SLC29A3: variants seen among roughly 807,000 people sequenced by gnomAD.
SLC29A3 encodes solute carrier family 29 member 3.
Under a neutral mutation model 25.4 loss-of-function variants are expected in SLC29A3, and 18 were observed. The observed-to-expected ratio is 0.71, with a 90% CI of 0.49 to 1.05. The LOEUF (loss-of-function observed/expected upper bound fraction) is 1.05. Among genes scored for constraint, SLC29A3 ranks in the 50% least tolerant of loss-of-function variants. The probability of loss-of-function intolerance (pLI) is 0.00; values close to 1 mark genes in which losing one functional copy is unlikely to be tolerated. For synonymous variants in SLC29A3, 258 were observed against 267.1 expected (o/e 0.97, Z 0.33); for missense variants, 586 against 609.0 (o/e 0.96, Z 0.40).
At chr10:71,338,007 C>T (rs1408573812) in intron 2 of SLC29A3, among the ~76,000 whole-genome samples, 2 of 152,214 alleles carry the variant, frequency 1.3e-5, no homozygotes. Context: ...AACTCAAGTG[C>T]CCCCCTGCCC....
chr10:71,363,456 A>AT (rs1180649879), downstream of SLC29A3: 2 of 400,262 alleles, frequency 5.0e-6, no homozygotes, highest in Non-Finnish European at 9.9e-6. Context: ...CAATTTGAGG[A>AT]TTTTTTAAAA....
chr10:71,334,185 T>C (rs1846186469), intron 2 of SLC29A3, among the ~76,000 whole-genome samples: 1 of 152,200 alleles, frequency 6.6e-6, no homozygotes, highest in Admixed American at 6.5e-5. Context: ...CCCAGAAACT[T>C]TTCCCGCAAA....
intron 4 of SLC29A3, among the ~76,000 whole-genome samples, chr10:71,377,631 C>G (rs1023428393): frequency 3.3e-5 from 5 of 152,226 alleles, no homozygotes; most frequent in African/African-American, 1.2e-4. Flanking sequence ...CAAGAAAGCC[C>G]TAGAGAGAGG....
intron 3 of SLC29A3, among the ~76,000 whole-genome samples, chr10:71,371,073 G>A (rs956733556): frequency 6.6e-6 from 1 of 152,094 alleles, no homozygotes; most frequent in African/African-American, 2.4e-5. Context: ...GAGTCATCGC[G>A]CTTGGCCCGA....
chr10:71,338,384 A>G (rs76412582), intron 2 of SLC29A3, among the ~76,000 whole-genome samples: 5,487 of 152,282 alleles, frequency 0.036, 134 homozygotes, highest in Middle Eastern at 0.092. Context: ...GCTGAGGGGA[A>G]TGGGCGGTGG....
intron 2 of SLC29A3, among the ~76,000 whole-genome samples, chr10:71,332,781 T>A (rs1846151131): frequency 6.6e-6 from 1 of 152,218 alleles, no homozygotes; most frequent in African/African-American, 2.4e-5. Flanking sequence ...TCCCAATAAA[T>A]AATACACCTG....
intron 2 of SLC29A3, among the ~76,000 whole-genome samples, chr10:71,327,430 A>G (rs1023359287): frequency 6.6e-6 from 1 of 152,212 alleles, no homozygotes; most frequent in Non-Finnish European, 1.5e-5. Context: ...AAGATGGCAC[A>G]GGGGCCTGCA....
intron 3 of SLC29A3, among the ~76,000 whole-genome samples, chr10:71,348,951 T>TC (rs1564536596): frequency 6.6e-6 from 1 of 152,146 alleles, no homozygotes; most frequent in Non-Finnish European, 1.5e-5. Context: ...AAGAACACAG[T>TC]CCTGCTGGGG....
chr10:71,379,099 C>T (rs60820442), intron 4 of SLC29A3, among the ~76,000 whole-genome samples: 3,560 of 152,268 alleles, frequency 0.023, 146 homozygotes, highest in African/African-American at 0.081. Flanking sequence ...TGCCCCCCAA[C>T]GGGGAAACTA....
intron 2 of SLC29A3, among the ~76,000 whole-genome samples, chr10:71,326,062 C>G (rs750792313): frequency 2.6e-5 from 4 of 151,854 alleles, no homozygotes; most frequent in African/African-American, 7.3e-5. Flanking sequence ...AGACTACAGG[C>G]ACACACCACC....
In SLC29A3 at chr10:71,360,603, T is replaced by C. The variant is rs142958100; in HGVS notation, c.774-1351T>C. ...GTGCTGGGCAGAGTTAAACTGGTAGTACCTATTAGGAGAGCAGTTTATCAG... is the reference window on the plus strand; with the variant it reads ...GTGCTGGGCAGAGTTAAACTGGTAGCACCTATTAGGAGAGCAGTTTATCAG... On this transcript the variant is annotated intron_variant, in intron 5 of 5. Transcript: ENST00000373189. 2.8e-3 allele frequency among the ~76,000 whole-genome samples: 424 copies of C among 152,352 alleles called. 3 individuals are homozygous for C. Among genetic ancestry groups the C allele is most frequent in the Non-Finnish European group, 8.8e-4 (60 of 68,042 alleles).
Position 71,362,480 on chromosome 10 carries a change from C to T in SLC29A3, c.1300C>T (p.Leu434Phe). ...LSNGYLSTLA[L>F]LYGPKIVPRE... ...CAACGGCTACCTCAGCACCCTGGCC[C>T]TCCTCTACGGGCCTAAGATTGTGCC... The change falls in exon 6 of 6, where the codon CTC becomes TTC. Residue 434 changes from leucine to phenylalanine, a missense_variant. Transcript: ENST00000373189. 6.2e-7 allele frequency: 1 copy of T among 1,614,198 alleles called. No homozygotes were observed. Among genetic ancestry groups the T allele is most frequent in the Non-Finnish European group, 8.5e-7 (1 of 1,180,044 alleles).
intron 5 of SLC29A3, among the ~76,000 whole-genome samples, chr10:71,359,372 G>A (rs1243453992): frequency 6.6e-6 from 1 of 152,240 alleles, no homozygotes; most frequent in Non-Finnish European, 1.5e-5. Context: ...ATTTGGGAGA[G>A]TGAGGCGATG....
chr10:71,362,763 C>T lies in SLC29A3; in HGVS notation c.*155C>T. 1 of 907,282 alleles carries T rather than the reference C, an allele frequency of 1.1e-6. No homozygotes were observed. The highest frequency in any genetic ancestry group is 1.4e-5 in the South Asian group (1 of 71,436). 56.2% of individuals were successfully genotyped at this position (907,282 alleles called of 1,614,324 possible). ...TCATCCCTCCCAAGATGCCAGTGAG[C>T]CACGTCCATGCCCATTCCGTGCAAG... On this transcript the variant is annotated 3_prime_UTR_variant, in exon 6 of 6. Transcript: ENST00000373189.
chr10:71,361,859 G>A, intron 5 of SLC29A3, 95 bp from the exon 6 acceptor site: 1 of 1,456,806 alleles, frequency 6.9e-7, no homozygotes, highest in South Asian at 1.2e-5. Context: ...TCTCCATGCT[G>A]GGCTGGAAGG....
At chr10:71,341,077 G>C (rs936440519) in intron 2 of SLC29A3, among the ~76,000 whole-genome samples, 1 of 152,164 alleles carries the variant, frequency 6.6e-6, no homozygotes, top group Non-Finnish European at 1.5e-5. Context: ...CGATCTGTGG[G>C]CTCCTTCCAG....
intron 4 of SLC29A3, chr10:71,379,678 G>A (rs1278193366): frequency 6.6e-6 from 1 of 152,196 alleles, no homozygotes; most frequent in Admixed American, 6.5e-5. Flanking sequence ...CTATTTTATG[G>A]AATGAAGTGT....
chr10:71,363,176 T>C lies in SLC29A3; in HGVS notation c.*568T>C, dbSNP rs1478697674. ...AACCAGACTGGAAAACCCAGAAAGA[T>C]GGGCCTTCCATGAATGCTTCATTCC... On this transcript the variant is annotated 3_prime_UTR_variant, in exon 6 of 6. Coordinates refer to ENST00000373189, the MANE Select transcript of SLC29A3 (RefSeq NM_018344.6). The C allele has an allele frequency of 2.2e-6, 1 of 446,376 alleles. No homozygotes were observed. Among genetic ancestry groups the C allele is most frequent in the Non-Finnish European group, 4.5e-6 (1 of 223,078 alleles). 27.7% of individuals were successfully genotyped at this position (446,376 alleles called of 1,614,324 possible).
chr10:71,333,517 G>A lies in SLC29A3; in HGVS notation c.300+10463G>A, dbSNP rs182154503. Among the ~76,000 whole-genome samples the A allele has an allele frequency of 2.3e-4, 35 of 152,302 alleles. No homozygotes were observed. In the East Asian group the frequency reaches 4.4e-3, roughly 19 times the overall value. On this transcript the variant is annotated intron_variant, in intron 2 of 5. Transcript: ENST00000373189. Reference sequence around the variant, plus strand: ...TGGCTAAGGACTCCCTCTTCCTGATGGTCCCTAAGGTTTTCTACTACAGAG... The same window carrying A: ...TGGCTAAGGACTCCCTCTTCCTGATAGTCCCTAAGGTTTTCTACTACAGAG...
Sources: gnomAD v4.1 joint callset for allele counts (sites outside exome capture counted in the v4.1 genomes callset) on GRCh38, gnomAD v4.1.1 for gene constraint, MANE v1.5 for transcripts, NCBI Gene and HGNC (gene_info 2026-07-23, HGNC 2026-07-21) for gene names.